The following NXPE4 variants were observed in gnomAD, a reference collection of about 807,000 sequenced individuals.
NXPE4 encodes the protein neurexophilin and PC-esterase domain family member 4, also known as NXPE family member 4.
A neutral mutation model predicts 33.3 loss-of-function variants in NXPE4; 42 were observed. The observed-to-expected ratio is 1.26, with a 90% CI of 0.98 to 1.63. NXPE4 has a LOEUF of 1.63. Ranked by LOEUF, NXPE4 falls within the 40% of genes most tolerant of loss-of-function variation. The probability of loss-of-function intolerance (pLI) is 0.00; values close to 1 mark genes in which losing one functional copy is unlikely to be tolerated. For missense variants in NXPE4, 709 were observed against 647.6 expected, an observed-to-expected ratio of 1.09 and a Z score of -1.03; for synonymous variants, 253 against 234.9, an observed-to-expected ratio of 1.08 and a Z score of -0.71.
chr11:114,633,370 T>C, the NXPE4 span, among the ~76,000 whole-genome samples: 1 of 143,268 alleles, frequency 7.0e-6, no homozygotes, highest in Non-Finnish European at 1.5e-5. Flanking sequence ...TACTATATAA[T>C]ATATTATGTA....
At chr11:114,620,406 A>G in the NXPE4 span, among the ~76,000 whole-genome samples, 1 of 151,828 alleles carries the variant, frequency 6.6e-6, no homozygotes, top group Non-Finnish European at 1.5e-5. Flanking sequence ...TACCCATTGG[A>G]TAATAAGTGT....
chr11:114,593,244 C>T (rs1305722338), intron 2 of NXPE4, among the ~76,000 whole-genome samples: 2 of 152,106 alleles, frequency 1.3e-5, no homozygotes, highest in Non-Finnish European at 2.9e-5. Context: ...AGTTAACCTA[C>T]AGAATGGGAG....
At chr11:114,577,356 G>A (rs1034726247) in intron 5 of NXPE4, among the ~76,000 whole-genome samples, 2 of 151,604 alleles carry the variant, frequency 1.3e-5, no homozygotes, top group Admixed American at 1.3e-4. Flanking sequence ...CTATGAGGAC[G>A]CAAAGGCTTA....
At chr11:114,660,329 A>G in the NXPE4 span, among the ~76,000 whole-genome samples, 1 of 152,068 alleles carries the variant, frequency 6.6e-6, no homozygotes, top group Admixed American at 6.6e-5. Flanking sequence ...CTAATTTCAA[A>G]ACTAGAATTA....
At chr11:114,612,466 T>C in the NXPE4 span, among the ~76,000 whole-genome samples, 1 of 151,844 alleles carries the variant, frequency 6.6e-6, no homozygotes, top group African/African-American at 2.4e-5. Flanking sequence ...GGATAAGTGT[T>C]GCCTCATGGG....
chr11:114,600,234 T>C (rs560853135), upstream of NXPE4, among the ~76,000 whole-genome samples: 1 of 152,302 alleles, frequency 6.6e-6, no homozygotes, highest in South Asian at 2.1e-4. Flanking sequence ...ACCCAAGTGA[T>C]GATGGGTTAA....
the NXPE4 span, among the ~76,000 whole-genome samples, chr11:114,642,633 T>C: frequency 6.6e-6 from 1 of 152,128 alleles, no homozygotes; most frequent in Non-Finnish European, 1.5e-5. Flanking sequence ...ATGGTGTACA[T>C]GTGCCACATC....
chr11:114,633,800 T>G, the NXPE4 span, among the ~76,000 whole-genome samples: 1 of 151,980 alleles, frequency 6.6e-6, no homozygotes, highest in Admixed American at 6.6e-5. Context: ...GAACTCACCA[T>G]TTTTTATGGC....
intron 2 of NXPE4, chr11:114,583,620 A>G (rs1565334340): frequency 6.7e-6 from 4 of 593,450 alleles, no homozygotes; most frequent in Non-Finnish European, 1.3e-5. Flanking sequence ...AGTGCTGTGA[A>G]ACTTAATGAG....
intron 2 of NXPE4, among the ~76,000 whole-genome samples, chr11:114,592,618 C>G (rs573033052): frequency 1.3e-5 from 2 of 152,114 alleles, no homozygotes; most frequent in African/African-American, 4.8e-5. Context: ...AAGCAATCTA[C>G]AGATTCAAGG....
chr11:114,585,185 C>T lies in NXPE4; in HGVS notation c.97-2164G>A, dbSNP rs117154625. 9.5e-3 allele frequency among the ~76,000 whole-genome samples: 1,440 copies of T among 151,788 alleles called. 13 individuals are homozygous for T. The highest frequency in any genetic ancestry group is 0.014 in the Non-Finnish European group (919 of 67,834). ...CTCACACTGCCTGCCATCTGTCTTCCCCCAGTTCTGCAGGTGGAGGATGGT... is the reference window on the plus strand; with the variant it reads ...CTCACACTGCCTGCCATCTGTCTTCTCCCAGTTCTGCAGGTGGAGGATGGT... On this transcript the variant is annotated intron_variant, in intron 2 of 5. Transcript: ENST00000375478.
chr11:114,602,639 A>G, the NXPE4 span, among the ~76,000 whole-genome samples: 1 of 141,684 alleles, frequency 7.1e-6, no homozygotes, highest in African/African-American at 2.5e-5. Context: ...ATAGATTCAT[A>G]TATAATAATT....
At chr11:114,610,742 T>G in the NXPE4 span, among the ~76,000 whole-genome samples, 1 of 146,512 alleles carries the variant, frequency 6.8e-6, no homozygotes, top group Non-Finnish European at 1.5e-5. Context: ...CTGTTGCCCT[T>G]TGGATAATAA....
At chr11:114,675,072 A>C in the NXPE4 span, among the ~76,000 whole-genome samples, 2 of 151,824 alleles carry the variant, frequency 1.3e-5, no homozygotes, top group Admixed American at 1.3e-4. Context: ...CAATAGATAA[A>C]GAAAAAGGAT....
chr11:114,644,484 A>G, the NXPE4 span, among the ~76,000 whole-genome samples: 2 of 152,300 alleles, frequency 1.3e-5, no homozygotes, highest in African/African-American at 2.4e-5. Flanking sequence ...AATTTTATCA[A>G]TTGCATTTCT....
chr11:114,609,669 G>A, the NXPE4 span, among the ~76,000 whole-genome samples: 1 of 151,398 alleles, frequency 6.6e-6, no homozygotes, highest in Non-Finnish European at 1.5e-5. Flanking sequence ...CTATTACCCA[G>A]TGGATAATAA....
At chr11:114,645,243 G>C in the NXPE4 span, among the ~76,000 whole-genome samples, 1 of 152,114 alleles carries the variant, frequency 6.6e-6, no homozygotes, top group East Asian at 1.9e-4. Context: ...AGAAGCTGCA[G>C]TGAGCTGAGA....
intron 5 of NXPE4, among the ~76,000 whole-genome samples, chr11:114,577,150 TATATATGTGTC>T (rs1949028182): frequency 7.4e-6 from 1 of 135,396 alleles, no homozygotes; most frequent in Non-Finnish European, 1.5e-5. Flanking sequence ...ATGTCATAAA[TATATATGTGTC>T]ATATATATAT....
chr11:114,639,333 A>C, the NXPE4 span, among the ~76,000 whole-genome samples: 2 of 151,320 alleles, frequency 1.3e-5, no homozygotes, highest in Middle Eastern at 3.2e-3. Flanking sequence ...GTGCAGTATT[A>C]GGGTGGGAGT....
Sources: gnomAD v4.1 joint callset for allele counts (sites outside exome capture counted in the v4.1 genomes callset) on GRCh38, gnomAD v4.1.1 for gene constraint, MANE v1.5 for transcripts, NCBI Gene and HGNC (gene_info 2026-07-23, HGNC 2026-07-21) for gene names.